Variants in BNIP3 observed in about 807,000 individuals in gnomAD.
BNIP3 encodes the protein BCL2/adenovirus E1B 19 kDa protein-interacting protein 3.
A neutral mutation model predicts 23.9 loss-of-function variants in BNIP3; 16 were observed. The ratio of observed to expected loss-of-function variants is 0.67; its 90% CI spans 0.45 to 1.01. The LOEUF is 1.01. BNIP3 is among the 50% of genes least tolerant of loss of function. The probability of loss-of-function intolerance (pLI) is 0.00; values close to 1 mark genes in which losing one functional copy is unlikely to be tolerated. For missense variants in BNIP3, 198 were observed against 248.7 expected, an observed-to-expected ratio of 0.80 and a Z score of 1.37; for synonymous variants, 81 against 89.3, an observed-to-expected ratio of 0.91 and a Z score of 0.53.
At chr10:131,968,956 C>T (rs1268420734) in intron 5 of BNIP3, 1 of 172,232 alleles carries the variant, frequency 5.8e-6, no homozygotes, top group Non-Finnish European at 1.3e-5. Context: ...AGCCCCTGCC[C>T]TCATGTGGTT....
At position 131,970,376 on chromosome 10, in the gene BNIP3, T is replaced by A. The variant is rs1293187096; in HGVS notation, c.539+262A>T. On this transcript the variant is annotated intron_variant, in intron 5 of 5. Transcript: ENST00000368636. The surrounding 1 kb of genome is among the most constrained non-coding windows in gnomAD (Gnocchi z 4.1). ...AGAGGTCAGACCTAAGAAGCCCTGC[T>A]TTGACTCCGTTTATATTCAGTGAGC... The A allele has an allele frequency of 1.1e-5, 6 of 538,558 alleles. No homozygotes were observed. The highest frequency in any genetic ancestry group is 2.0e-5 in the Non-Finnish European group (6 of 303,018). The allele number at this position is 538,558 out of a possible 1,614,324, so 33.4% of individuals were successfully genotyped here. A position where few individuals can be genotyped will look rare whatever the true frequency, so the allele number is the denominator to read the frequency against.
chr10:131,980,013 C>T (rs2037107098), intron 1 of BNIP3, among the ~76,000 whole-genome samples: 1 of 152,256 alleles, frequency 6.6e-6, no homozygotes, highest in Non-Finnish European at 1.5e-5. Context: ...CCACAGTGGC[C>T]CCGTCCTGCC....
chr10:131,970,275 C>A lies in BNIP3; in HGVS notation c.539+363G>T. On this transcript the variant is annotated intron_variant, in intron 5 of 5. Transcript: ENST00000368636. This position sits in a 1 kb window ranked among gnomAD's most constrained non-coding sequence, Gnocchi z 4.1. ...TACAGCAGGTAACTGAGACCCTCCA[C>A]CTACAGCAGAGCTGGGTGCATTCCC... 3.9e-6 allele frequency: 1 copy of A among 256,636 alleles called. No homozygotes were observed. Among genetic ancestry groups the A allele is most frequent in the Non-Finnish European group, 7.4e-6 (1 of 134,954 alleles). 15.9% of individuals were successfully genotyped at this position (256,636 alleles called of 1,614,324 possible). A position where few individuals can be genotyped will look rare whatever the true frequency, so the allele number is the denominator to read the frequency against.
At chr10:131,975,963 G>A (rs1160805253) in intron 1 of BNIP3, among the ~76,000 whole-genome samples, 4 of 152,194 alleles carry the variant, frequency 2.6e-5, no homozygotes, top group Non-Finnish European at 4.4e-5. Context: ...GAGGCTACAT[G>A]GTGCCTTCTG....
In BNIP3 at chr10:131,968,254, T is replaced by C. The variant is rs184320029; in HGVS notation, c.*270A>G. The C allele has an allele frequency of 3.1e-4, 86 of 277,694 alleles. No individual in the cohort carries two copies. Among genetic ancestry groups the C allele is most frequent in the African/African-American group, 1.7e-3 (79 of 46,674 alleles). 17.2% of individuals were successfully genotyped at this position (277,694 alleles called of 1,614,324 possible). A position where few individuals can be genotyped will look rare whatever the true frequency, so the allele number is the denominator to read the frequency against. On this transcript the variant is annotated 3_prime_UTR_variant, in exon 6 of 6. Coordinates refer to ENST00000368636, the MANE Select transcript of BNIP3 (RefSeq NM_004052.4). ...TATTAAAATTATTTATATTCAGATA[T>C]TTATATCTAATATCAAATGAAAATT... is the stretch of plus-strand genomic sequence containing the variant.
intron 1 of BNIP3, chr10:131,981,053 G>C (rs2037115002): frequency 2.0e-5 from 3 of 152,210 alleles, no homozygotes; most frequent in African/African-American, 7.2e-5. Context: ...GGATGGTCTT[G>C]CGAATCTAGC....
intron 1 of BNIP3, among the ~76,000 whole-genome samples, chr10:131,977,504 C>G (rs1346892471): frequency 1.3e-5 from 2 of 152,206 alleles, no homozygotes. Flanking sequence ...GATCTCTGTT[C>G]TGGAGGCTGG....
chr10:131,970,981 G>C lies in BNIP3; in HGVS notation c.283-11C>G. The C allele has an allele frequency of 6.2e-7, 1 of 1,611,168 alleles. No individual in the cohort carries two copies. On this transcript the variant is annotated splice_polypyrimidine_tract_variant and intron_variant, in intron 3 of 5. Transcript: ENST00000368636. The surrounding 1 kb of genome is among the most constrained non-coding windows in gnomAD (Gnocchi z 4.1). ...ATCATCTTCCTCAGACTAAGATAAAGTCAATGTTAAAGGCAGATCAGTGTA... is the reference window on the plus strand; with the variant it reads ...ATCATCTTCCTCAGACTAAGATAAACTCAATGTTAAAGGCAGATCAGTGTA...
chr10:131,979,194 C>T (rs2133696251), intron 1 of BNIP3, among the ~76,000 whole-genome samples: 1 of 152,358 alleles, frequency 6.6e-6, no homozygotes, highest in Admixed American at 6.5e-5. Context: ...TTTCACTCCA[C>T]CTCTAGAACC....
At position 131,970,768 on chromosome 10, in the gene BNIP3, G is replaced by C. The variant is rs1180419207; in HGVS notation, c.409C>G (p.Pro137Ala). 5.6e-6 allele frequency: 9 copies of C among 1,614,070 alleles called. No individual in the cohort carries two copies. The highest frequency in any genetic ancestry group is 7.6e-6 in the Non-Finnish European group (9 of 1,180,040). Residue 137 changes from proline (P) to alanine (A), a missense_variant, in exon 5 of 6, where the codon CCG becomes GCG. Transcript: ENST00000368636. This position sits in a 1 kb window ranked among gnomAD's most constrained non-coding sequence, Gnocchi z 4.1. ...ATGCTGAGGGTGGCCGTGCGCTTCG[G>C]GTGTTTAAAGAGGAACTCCCTGAGG... is the stretch of plus-strand genomic sequence containing the variant. ...IPPKEFLFKH[P>A]KRTATLSMRN...
chr10:131,970,848 C>T lies in BNIP3; in HGVS notation c.389+16G>A. The T allele has an allele frequency of 6.2e-7, 1 of 1,614,224 alleles. No homozygotes were observed. The highest frequency in any genetic ancestry group is 1.6e-4 in the Middle Eastern group (1 of 6,062). On this transcript the variant is annotated intron_variant, in intron 4 of 5. Coordinates refer to ENST00000368636, the MANE Select transcript of BNIP3 (RefSeq NM_004052.4). This position sits in a 1 kb window ranked among gnomAD's most constrained non-coding sequence, Gnocchi z 4.1. The stretch of plus-strand genomic sequence containing the variant: ...TCTGTCAAGGGGTGCCCCCGTGACA[C>T]TGAGAACACACTCACTTGGGGGGAA...
intron 1 of BNIP3, chr10:131,980,251 G>GT (rs1320178690): frequency 6.6e-6 from 1 of 152,230 alleles, no homozygotes; most frequent in East Asian, 1.9e-4. Context: ...CAGCCGGACA[G>GT]TGAAACGCAC....
chr10:131,970,854 A>T lies in BNIP3; in HGVS notation c.389+10T>A, dbSNP rs1213070236. ...AAGGGGTGCCCCCGTGACACTGAGAACACACTCACTTGGGGGGAATATTTT... is the reference window on the plus strand; with the variant it reads ...AAGGGGTGCCCCCGTGACACTGAGATCACACTCACTTGGGGGGAATATTTT... On this transcript the variant is annotated intron_variant, in intron 4 of 5. Coordinates refer to ENST00000368636, the MANE Select transcript of BNIP3 (RefSeq NM_004052.4). The surrounding 1 kb of genome is among the most constrained non-coding windows in gnomAD (Gnocchi z 4.1). 1 of 1,614,238 alleles carries T rather than the reference A, an allele frequency of 6.2e-7. No individual in the cohort carries two copies. The highest frequency in any genetic ancestry group is 1.1e-5 in the South Asian group (1 of 91,092).
Position 131,976,629 on chromosome 10 carries a change from A to T in BNIP3, c.47-2686T>A, listed in dbSNP as rs1451064078. Among the ~76,000 whole-genome samples the T allele has an allele frequency of 6.6e-6, 1 of 150,916 alleles. No individual in the cohort carries two copies. Among genetic ancestry groups the T allele is most frequent in the Non-Finnish European group, 1.5e-5 (1 of 67,702 alleles). The stretch of plus-strand genomic sequence containing the variant: ...ACGTCCCAACCCTAACCCCAACCAC[A>T]CTCTCTGCAACCAGACTCCCACTTA... On this transcript the variant is annotated intron_variant, in intron 1 of 5. Transcript: ENST00000368636. This position sits in a 1 kb window ranked among gnomAD's most constrained non-coding sequence, Gnocchi z 4.3.
chr10:131,973,880 G>A lies in BNIP3; in HGVS notation c.110C>T (p.Ser37Phe). 1.2e-6 allele frequency: 2 copies of A among 1,613,308 alleles called. No individual in the cohort carries two copies. The highest frequency in any genetic ancestry group is 1.7e-6 in the Non-Finnish European group (2 of 1,180,054). The change falls in exon 2 of 6, where the codon TCT becomes TTT. Residue 37 changes from serine to phenylalanine, a missense_variant. Physicochemically the swap from Ser to Phe is radical, Grantham distance 155. Transcript: ENST00000368636. ...GNGGSVPASV[S>F]IYNGDMEKIL... ...TTTTTCCATGTCTCCATTATAAATA[G>A]AAACCGAGGCTGGAACGCTGCCCCC...
chr10:131,971,173 T>A, intron 3 of BNIP3: 1 of 579,238 alleles, frequency 1.7e-6, no homozygotes, highest in South Asian at 2.0e-5. Context: ...CACAGCACGC[T>A]CGCCGCCTCC....
intron 5 of BNIP3, 172 bp from the exon 6 acceptor site, chr10:131,968,741 T>C (rs761086019): frequency 2.4e-5 from 13 of 549,908 alleles, no homozygotes; most frequent in Admixed American, 9.1e-5. Flanking sequence ...ATCTAGTGTT[T>C]TATCAATATG....
intron 3 of BNIP3, among the ~76,000 whole-genome samples, chr10:131,972,715 C>G (rs963122394): frequency 7.2e-5 from 11 of 152,198 alleles, no homozygotes; most frequent in Non-Finnish European, 1.5e-4. Flanking sequence ...GTCCCTCCCT[C>G]CTCTCTAGGC....
chr10:131,970,987 G>T lies in BNIP3; in HGVS notation c.283-17C>A. 6.2e-7 allele frequency: 1 copy of T among 1,607,644 alleles called. No homozygotes were observed. The highest frequency in any genetic ancestry group is 8.5e-7 in the Non-Finnish European group (1 of 1,176,662). ...TTCCTCAGACTAAGATAAAGTCAATGTTAAAGGCAGATCAGTGTACCACAC... is the reference window on the plus strand; with the variant it reads ...TTCCTCAGACTAAGATAAAGTCAATTTTAAAGGCAGATCAGTGTACCACAC... On this transcript the variant is annotated splice_polypyrimidine_tract_variant and intron_variant, in intron 3 of 5. Transcript: ENST00000368636. This position sits in a 1 kb window ranked among gnomAD's most constrained non-coding sequence, Gnocchi z 4.1.
Sources: gnomAD v4.1 joint callset for allele counts (sites outside exome capture counted in the v4.1 genomes callset) on GRCh38, gnomAD v4.1.1 for gene constraint, Gnocchi (gnomAD v3.1) non-coding constraint, MANE v1.5 for transcripts, NCBI Gene and HGNC (gene_info 2026-07-23, HGNC 2026-07-21) for gene names.